Variants in AGMO observed in about 807,000 individuals in gnomAD.
AGMO encodes glyceryl-ether monooxygenase.
Under a neutral mutation model 60.2 loss-of-function variants are expected in AGMO, and 75 were observed. That is an observed-to-expected ratio of 1.25 (90% CI 1.03 to 1.51). The LOEUF (loss-of-function observed/expected upper bound fraction) is 1.51. Among genes scored for constraint, AGMO ranks in the 40% most tolerant of loss-of-function variants. The pLI is 0.00. For synonymous variants in AGMO, 261 were observed against 177.1 expected (o/e 1.47, Z -3.76); for missense variants, 763 against 525.5 (o/e 1.45, Z -4.42).
intron 3 of AGMO, among the ~76,000 whole-genome samples, chr7:15,529,745 T>C (rs867562699): frequency 1.8e-5 from 2 of 113,840 alleles, no homozygotes; most frequent in African/African-American, 7.1e-5. Context: ...ATTCTATATA[T>C]ATATTTCTAT....
chr7:15,542,103 G>A (rs781539304), intron 3 of AGMO, among the ~76,000 whole-genome samples: 3 of 151,940 alleles, frequency 2.0e-5, no homozygotes, highest in East Asian at 1.9e-4. Flanking sequence ...CCCTGTGTGT[G>A]TCTTGATTTC....
At chr7:15,224,869 T>C (rs1265550939) in intron 12 of AGMO, among the ~76,000 whole-genome samples, 1 of 152,054 alleles carries the variant, frequency 6.6e-6, no homozygotes, top group Non-Finnish European at 1.5e-5. Context: ...AAAAAAATGC[T>C]TCATATTGCA....
At chr7:15,483,857 G>A (rs1782838137) in intron 3 of AGMO, among the ~76,000 whole-genome samples, 2 of 151,344 alleles carry the variant, frequency 1.3e-5, no homozygotes, top group South Asian at 4.2e-4. Flanking sequence ...AAGATTCAGG[G>A]GACCATTCCA....
At chr7:15,199,950 C>T (rs1781230869), downstream of AGMO, among the ~76,000 whole-genome samples, 1 of 152,126 alleles carries the variant, frequency 6.6e-6, no homozygotes, top group African/African-American at 2.4e-5. Flanking sequence ...CACATAGACA[C>T]CTGCAGTCTG....
chr7:15,148,570 G>A, the AGMO span, among the ~76,000 whole-genome samples: 1 of 151,314 alleles, frequency 6.6e-6, no homozygotes, highest in Non-Finnish European at 1.5e-5. Flanking sequence ...ACTTATAAGT[G>A]GGAATTCATG....
chr7:15,341,946 C>T (rs1425916316), intron 12 of AGMO, among the ~76,000 whole-genome samples: 3 of 151,700 alleles, frequency 2.0e-5, no homozygotes, highest in Admixed American at 6.6e-5. Flanking sequence ...TATCTCTCAC[C>T]GAGTCCCTCC....
At position 15,217,213 on chromosome 7, in the gene AGMO, G is replaced by A. The variant is rs75767243; in HGVS notation, c.1264-15854C>T. Among the ~76,000 whole-genome samples, 73 of 152,006 alleles carry A rather than the reference G, an allele frequency of 4.8e-4. No individual in the cohort carries two copies. In the East Asian group the frequency reaches 0.014, roughly 29 times the overall value. On this transcript the variant is annotated intron_variant, in intron 12 of 12. Coordinates refer to ENST00000342526, the MANE Select transcript of AGMO (RefSeq NM_001004320.2). ...ACAATTTGTCATATGAAATTGTTGG[G>A]GCCCCCAAAGAAAGAAATGTTAAAT...
Position 15,359,308 on chromosome 7 carries a change from G to A in AGMO, c.1263+6206C>T, listed in dbSNP as rs199873217. Among the ~76,000 whole-genome samples, 18 of 125,692 alleles carry A rather than the reference G, an allele frequency of 1.4e-4. No homozygotes were observed. The East Asian group carries it at 2.4e-3, about 17-fold the overall frequency. The allele number at this position is 125,692 out of a possible 152,430, so 82.5% of individuals were successfully genotyped here. A position where few individuals can be genotyped will look rare whatever the true frequency, so the allele number is the denominator to read the frequency against. On this transcript the variant is annotated intron_variant, in intron 12 of 12. Coordinates refer to ENST00000342526, the MANE Select transcript of AGMO (RefSeq NM_001004320.2). ...CGTCTCAACAAAAAAAAAAAAAAAA[G>A]AAATTAGATTTATTATTTTTACTCA...
At chr7:15,278,157 G>GA (rs1783852722) in intron 12 of AGMO, among the ~76,000 whole-genome samples, 1 of 152,164 alleles carries the variant, frequency 6.6e-6, no homozygotes, top group Non-Finnish European at 1.5e-5. Context: ...TTTCAGGGCA[G>GA]AATCTCTTCA....
At chr7:15,156,220 TGGCAGG>T in the AGMO span, among the ~76,000 whole-genome samples, 1 of 152,200 alleles carries the variant, frequency 6.6e-6, no homozygotes, top group Non-Finnish European at 1.5e-5. Context: ...GAGTATGCAC[TGGCAGG>T]GGTCCATCTG....
intron 12 of AGMO, among the ~76,000 whole-genome samples, chr7:15,262,637 AAG>A (rs1405314531): frequency 3.9e-5 from 6 of 152,042 alleles, no homozygotes; most frequent in Non-Finnish European, 7.4e-5. Context: ...AGAACCCAAA[AAG>A]AGCCTGCATA....
the AGMO span, among the ~76,000 whole-genome samples, chr7:15,160,042 C>T: frequency 6.6e-6 from 1 of 152,186 alleles, no homozygotes; most frequent in Admixed American, 6.5e-5. Flanking sequence ...ATCACTTTTG[C>T]ACTATATTGG....
downstream of AGMO, among the ~76,000 whole-genome samples, chr7:15,199,446 A>T (rs1781217761): frequency 6.6e-6 from 1 of 152,186 alleles, no homozygotes; most frequent in Non-Finnish European, 1.5e-5. Flanking sequence ...CTAATCCTAT[A>T]AATTCACATA....
chr7:15,448,611 AT>A (rs11330514), intron 3 of AGMO, among the ~76,000 whole-genome samples: 66,157 of 130,824 alleles, frequency 0.51, 14,476 homozygotes, highest in Non-Finnish European at 0.59. Context: ...ATAAAGTTTA[AT>A]TTTTTTTTTT....
chr7:15,164,107 A>G, the AGMO span, among the ~76,000 whole-genome samples: 1 of 152,198 alleles, frequency 6.6e-6, no homozygotes, highest in South Asian at 2.1e-4. Flanking sequence ...ACTTACAACC[A>G]ACTGATCTTT....
chr7:15,559,798 A>G (rs1785251814), intron 2 of AGMO, among the ~76,000 whole-genome samples: 1 of 152,066 alleles, frequency 6.6e-6, no homozygotes, highest in Non-Finnish European at 1.5e-5. Flanking sequence ...GGGAATGGCT[A>G]CACCCGAGAC....
intron 3 of AGMO, among the ~76,000 whole-genome samples, chr7:15,439,060 T>A (rs1253190603): frequency 6.6e-6 from 1 of 152,190 alleles, no homozygotes; most frequent in Non-Finnish European, 1.5e-5. Flanking sequence ...CATTTTCTTA[T>A]CATCAACCTT....
chr7:15,544,777 G>T lies in AGMO; in HGVS notation c.404C>A (p.Ala135Asp), dbSNP rs537455344. ...AGTCCTCATTTGCAGCTTACCATGA[G>T]CCATACGATGGAACCAGTAGTAGCC... ...DFGYYWFHRM[A>D]HEVNIMWAGH... Residue 135 changes from alanine (A) to aspartate (D), a missense_variant, in exon 3 of 13, where the codon GCT becomes GAT. Transcript: ENST00000342526. 1 of 1,596,116 alleles carries T rather than the reference G, an allele frequency of 6.3e-7. No individual in the cohort carries two copies.
the AGMO span, among the ~76,000 whole-genome samples, chr7:15,187,939 C>A: frequency 1.3e-5 from 2 of 152,120 alleles, no homozygotes; most frequent in Non-Finnish European, 2.9e-5. Context: ...AACCTCACAC[C>A]AGCATCTAGC....
Sources: gnomAD v4.1 joint callset for allele counts (sites outside exome capture counted in the v4.1 genomes callset) on GRCh38, gnomAD v4.1.1 for gene constraint, MANE v1.5 for transcripts, NCBI Gene and HGNC (gene_info 2026-07-23, HGNC 2026-07-21) for gene names.